INSC: variants seen among roughly 807,000 people sequenced by gnomAD.
INSC encodes protein inscuteable homolog.
Under a neutral mutation model 58.6 loss-of-function variants are expected in INSC, and 67 were observed. The observed-to-expected ratio is 1.14, with a 90% CI of 0.94 to 1.40. INSC has a LOEUF of 1.40. INSC is among the 40% of genes most tolerant of loss of function. INSC has a pLI of 0.00. For missense variants in INSC, 714 were observed against 692.0 expected (o/e 1.03, Z -0.36); for synonymous variants, 262 against 276.1 (o/e 0.95, Z 0.51).
chr11:15,265,288 C>A, the INSC span, among the ~76,000 whole-genome samples: 1 of 152,020 alleles, frequency 6.6e-6, no homozygotes, highest in Non-Finnish European at 1.5e-5. Context: ...GGTCATCAAT[C>A]AAATTTCTTA....
intron 1 of INSC, among the ~76,000 whole-genome samples, chr11:15,137,466 G>A (rs553226035): frequency 4.6e-5 from 7 of 152,294 alleles, no homozygotes; most frequent in African/African-American, 1.7e-4. Context: ...CTCCATTGAA[G>A]ATCTGTTGTT....
intron 2 of INSC, among the ~76,000 whole-genome samples, chr11:15,160,619 T>A (rs1848985180): frequency 6.6e-6 from 1 of 152,178 alleles, no homozygotes; most frequent in African/African-American, 2.4e-5. Context: ...TAATGAAAGA[T>A]CATAGAGTGT....
the INSC span, among the ~76,000 whole-genome samples, chr11:15,265,415 A>G: frequency 3.9e-5 from 6 of 152,214 alleles, no homozygotes; most frequent in East Asian, 9.6e-4. Flanking sequence ...AAATTTCTCA[A>G]TAAGATCATC....
chr11:15,264,062 G>A, the INSC span, among the ~76,000 whole-genome samples: 3 of 147,398 alleles, frequency 2.0e-5, no homozygotes, highest in African/African-American at 7.6e-5. Flanking sequence ...TAGTTAGATT[G>A]GACCCACCTG....
chr11:15,215,745 G>A (rs1693945416), intron 7 of INSC, among the ~76,000 whole-genome samples: 1 of 152,172 alleles, frequency 6.6e-6, no homozygotes, highest in African/African-American at 2.4e-5. Flanking sequence ...GTTACCAGAA[G>A]AGACCATCTA....
chr11:15,245,837 A>C, intron 12 of INSC, 75 bp from the exon 13 acceptor site: 1 of 1,533,658 alleles, frequency 6.5e-7, no homozygotes, highest in Admixed American at 1.9e-5. Flanking sequence ...TGCACATTTC[A>C]GGGTAGGTGA....
chr11:15,141,636 C>T (rs991826980), intron 1 of INSC, among the ~76,000 whole-genome samples: 4 of 152,100 alleles, frequency 2.6e-5, no homozygotes, highest in African/African-American at 7.2e-5. Flanking sequence ...CCCCTGGGAA[C>T]GAGGGGTGTT....
intron 2 of INSC, among the ~76,000 whole-genome samples, chr11:15,164,170 A>G (rs542360895): frequency 2.5e-3 from 377 of 152,080 alleles, no homozygotes; most frequent in Non-Finnish European, 4.3e-3. Context: ...CTCATTGTAG[A>G]GATATTATTC....
chr11:15,155,540 C>G (rs778305155), intron 2 of INSC, among the ~76,000 whole-genome samples: 1 of 152,146 alleles, frequency 6.6e-6, no homozygotes, highest in Non-Finnish European at 1.5e-5. Flanking sequence ...TGCCCTCATG[C>G]GGACCATATT....
rs1590022781 is a variant in INSC, at chr11:15,246,254, T to C, written c.*214T>C. 3 of 423,972 alleles carry C rather than the reference T, an allele frequency of 7.1e-6. No individual in the cohort carries two copies. Among genetic ancestry groups the C allele is most frequent in the African/African-American group, 6.0e-5 (3 of 50,366 alleles). The allele number at this position is 423,972 out of a possible 1,614,324, so 26.3% of individuals were successfully genotyped here. A position where few individuals can be genotyped will look rare whatever the true frequency, so the allele number is the denominator to read the frequency against. On this transcript the variant is annotated 3_prime_UTR_variant, in exon 13 of 13. Coordinates refer to ENST00000379556, the MANE Select transcript of INSC (RefSeq NM_001042536.3). ...TCTTTGTGTTTTATTTTTTGATTTC[T>C]GTAGCTTTTCAGTTGCAGATGTTGA... is the stretch of plus-strand genomic sequence containing the variant.
intron 2 of INSC, 76 bp from the exon 3 acceptor site, chr11:15,175,665 T>C (rs1849545149): frequency 1.8e-6 from 2 of 1,125,040 alleles, no homozygotes; most frequent in Admixed American, 2.5e-5. Context: ...TTAGTAAATA[T>C]CAGATGGCCT....
chr11:15,227,888 C>T (rs1455835815), intron 9 of INSC, among the ~76,000 whole-genome samples: 2 of 152,174 alleles, frequency 1.3e-5, no homozygotes, highest in Non-Finnish European at 2.9e-5. Flanking sequence ...CGGTCATTTC[C>T]TACAAGATCC....
intron 1 of INSC, among the ~76,000 whole-genome samples, chr11:15,116,137 A>T (rs908363727): frequency 6.6e-6 from 1 of 152,202 alleles, no homozygotes; most frequent in East Asian, 1.9e-4. Flanking sequence ...GGGACTTAGA[A>T]GCACTGTTCG....
chr11:15,133,285 G>T (rs1848166495), intron 1 of INSC, among the ~76,000 whole-genome samples: 2 of 152,046 alleles, frequency 1.3e-5, no homozygotes, highest in African/African-American at 4.8e-5. Context: ...TGATTAATCT[G>T]CCCAATGAGT....
intron 5 of INSC, among the ~76,000 whole-genome samples, chr11:15,187,855 G>A (rs1365191696): frequency 6.6e-6 from 1 of 152,000 alleles, no homozygotes; most frequent in African/African-American, 2.4e-5. Context: ...CGTCTCCAAT[G>A]TCTTCTTGAT....
Position 15,175,800 on chromosome 11 carries a change from CCGAGTG to C in INSC, c.124_129del (p.Glu42_Cys43del), listed in dbSNP as rs778448601. On this transcript the variant is annotated inframe_deletion, in exon 3 of 13. Coordinates refer to ENST00000379556, the MANE Select transcript of INSC (RefSeq NM_001042536.3). ...TGGATGGAAGATCTGAAGCTCATGA[CCGAGTG>C]CGAGTGCATGTGTGTCCTGCAGGCC... 75 of 1,603,544 alleles carry C rather than the reference CCGAGTG, an allele frequency of 4.7e-5. 1 individual carries two copies. In the East Asian group the frequency reaches 1.7e-3, roughly 36 times the overall value.
chr11:15,190,677 G>A, intron 5 of INSC, 24 bp from the exon 6 acceptor site: 5 of 1,535,134 alleles, frequency 3.3e-6, no homozygotes, highest in Non-Finnish European at 4.5e-6. Context: ...GTAACTACTA[G>A]CTAACTTTTC....
In INSC at chr11:15,177,098, T is replaced by C. The variant is rs1849597441; in HGVS notation, c.403-13T>C. ...CTTACTGAGTTGAATAAAATGGACT[T>C]ATTTTTCTACAGATTGAGAAGCTGC... On this transcript the variant is annotated splice_polypyrimidine_tract_variant and intron_variant, in intron 3 of 12. Coordinates refer to ENST00000379556, the MANE Select transcript of INSC (RefSeq NM_001042536.3). 6.2e-7 allele frequency: 1 copy of C among 1,612,864 alleles called. No homozygotes were observed. Among genetic ancestry groups the C allele is most frequent in the South Asian group, 1.1e-5 (1 of 91,050 alleles).
upstream of INSC, chr11:15,112,499 G>T: frequency 6.2e-7 from 1 of 1,612,326 alleles, no homozygotes; most frequent in Non-Finnish European, 8.5e-7. Flanking sequence ...ATGGAGAGGC[G>T]GCCAGCGAAG....
Sources: allele counts gnomAD v4.1 joint callset (sites outside exome capture counted in the v4.1 genomes callset), GRCh38; gene constraint gnomAD v4.1.1; transcripts MANE v1.5; gene names NCBI Gene and HGNC (gene_info 2026-07-23, HGNC 2026-07-21).